Variants in TMEM164 observed in about 807,000 individuals in gnomAD.
TMEM164 encodes transmembrane protein 164, also known as RP13-360B22.2.
A neutral mutation model predicts 18.8 loss-of-function variants in TMEM164; 4 were observed. The observed-to-expected ratio is 0.21, with a 90% CI of 0.10 to 0.49. TMEM164 has a LOEUF of 0.49. TMEM164 is among the 20% of genes least tolerant of loss of function. The pLI, the probability that TMEM164 is intolerant of heterozygous loss-of-function variation, is 0.98. For synonymous variants in TMEM164, 86 were observed against 101.7 expected (o/e 0.85, Z 0.93); for missense variants, 108 against 239.9 (o/e 0.45, Z 3.63).
At chrX:110,105,462 G>T (rs1057240251) in intron 3 of TMEM164, among the ~76,000 whole-genome samples, 8 of 109,050 alleles carry the variant, frequency 7.3e-5, no homozygotes, top group African/African-American at 2.3e-4. Context: ...AGGCTGGAGG[G>T]GGGTATAAAG....
intron 3 of TMEM164, among the ~76,000 whole-genome samples, chrX:110,095,013 C>T (rs2065992567): frequency 8.9e-6 from 1 of 112,097 alleles, no homozygotes; most frequent in South Asian, 3.7e-4. Context: ...GGCCCCCATT[C>T]TCTTCTGGCT....
chrX:110,002,754 G>T, upstream of TMEM164: 1 of 113,002 alleles, frequency 8.8e-6, no homozygotes, highest in Non-Finnish European at 1.9e-5. Context: ...CCGATCCGGG[G>T]CCGCGGGCCG....
At chrX:110,053,165 C>T (rs1935650027) in intron 2 of TMEM164, among the ~76,000 whole-genome samples, 1 of 111,950 alleles carries the variant, frequency 8.9e-6, no homozygotes, top group African/African-American at 3.2e-5. Context: ...ATATAACCCA[C>T]AATCTTTACT....
At chrX:110,038,595 C>T (rs1175018705) in intron 2 of TMEM164, among the ~76,000 whole-genome samples, 1 of 110,705 alleles carries the variant, frequency 9.0e-6, no homozygotes, top group East Asian at 2.9e-4. Context: ...AACTGAGTGC[C>T]CCTTCCACCT....
downstream of TMEM164, among the ~76,000 whole-genome samples, chrX:110,183,366 G>A (rs1210017205): frequency 6.2e-5 from 7 of 112,408 alleles, no homozygotes; most frequent in African/African-American, 2.3e-4. Context: ...ATAGCAGATC[G>A]TCAAAATAAA....
intron 2 of TMEM164, among the ~76,000 whole-genome samples, chrX:110,011,102 T>G (rs1932975854): frequency 9.0e-6 from 1 of 111,420 alleles, no homozygotes. Context: ...GCCTATTGTG[T>G]GCCAAACATT....
At chrX:110,182,450 G>T (rs2067327200), downstream of TMEM164, 1 of 111,548 alleles carries the variant, frequency 9.0e-6, no homozygotes, top group Non-Finnish European at 1.9e-5. Context: ...CGTGCCAAAT[G>T]ACAGGGAAGG....
At chrX:110,024,372 A>G (rs1934082817) in intron 2 of TMEM164, among the ~76,000 whole-genome samples, 1 of 110,099 alleles carries the variant, frequency 9.1e-6, no homozygotes, top group African/African-American at 3.4e-5. Context: ...GTAACCTCGA[A>G]CTCTTGGACT....
chrX:110,086,214 T>C (rs752846116), intron 3 of TMEM164, among the ~76,000 whole-genome samples: 45 of 111,999 alleles, frequency 4.0e-4, no homozygotes, highest in African/African-American at 1.5e-3. Context: ...AGTGGGAAAT[T>C]GAGAGAGGCT....
At chrX:110,162,338 A>G (rs1269361791) in intron 5 of TMEM164, among the ~76,000 whole-genome samples, 2 of 112,175 alleles carry the variant, frequency 1.8e-5, no homozygotes, top group Non-Finnish European at 3.8e-5. Flanking sequence ...CCTGTGTACT[A>G]CTGTCAGGGG....
chrX:110,020,284 T>A, intron 2 of TMEM164: 1 of 627,679 alleles, frequency 1.6e-6, no homozygotes, highest in Non-Finnish European at 1.9e-6. Flanking sequence ...CCCTTTGTTT[T>A]CCAGATGAGG....
intron 3 of TMEM164, among the ~76,000 whole-genome samples, chrX:110,079,051 A>G (rs1195825154): frequency 9.0e-6 from 1 of 111,644 alleles, no homozygotes; most frequent in Non-Finnish European, 1.9e-5. Flanking sequence ...TCTTTTTTAC[A>G]TTATTAACTA....
chrX:110,143,805 GT>G (rs1458318754), intron 4 of TMEM164, among the ~76,000 whole-genome samples: 43 of 88,271 alleles, frequency 4.9e-4, no homozygotes, highest in African/African-American at 1.8e-3. Flanking sequence ...ATACTTTGGG[GT>G]GTGTGTGTGT....
chrX:110,015,210 G>A (rs567941644), intron 2 of TMEM164, among the ~76,000 whole-genome samples: 2 of 111,424 alleles, frequency 1.8e-5, no homozygotes, highest in Non-Finnish European at 1.9e-5. Flanking sequence ...CTTGGGATGT[G>A]GGGGGTGTGC....
chrX:110,109,105 G>T lies in TMEM164; in HGVS notation c.466G>T (p.Ala156Ser). 1 of 1,211,510 alleles carries T rather than the reference G, an allele frequency of 8.3e-7. No homozygotes were observed. Among genetic ancestry groups the T allele is most frequent in the Non-Finnish European group, 1.1e-6 (1 of 895,274 alleles). ...FKLQMHMLNG[A>S]LLALLFPVVN... The stretch of plus-strand genomic sequence containing the variant: ...GCTACAGATGCACATGTTGAATGGA[G>T]CTCTTCTGGCATTGCTGTTTCCTGT... The change falls in exon 4 of 7, where the codon GCT (alanine) becomes TCT (serine). Residue 156 changes from alanine (A) to serine (S), a missense_variant. Physicochemically the swap from Ala to Ser is moderately conservative, Grantham distance 99 (BLOSUM62 1). Coordinates refer to ENST00000372068, the MANE Select transcript of TMEM164 (RefSeq NM_032227.4).
At chrX:110,082,281 A>T (rs886579218) in intron 3 of TMEM164, 2 of 113,642 alleles carry the variant, frequency 1.8e-5, no homozygotes, top group African/African-American at 6.5e-5. Flanking sequence ...AAGGCCTCTT[A>T]TCCTTCCTGT....
intron 4 of TMEM164, among the ~76,000 whole-genome samples, chrX:110,110,831 T>C (rs1416088368): frequency 2.7e-5 from 3 of 112,578 alleles, no homozygotes; most frequent in African/African-American, 9.7e-5. Context: ...ACTCAAAGTG[T>C]GGTCCTAGGA....
intron 3 of TMEM164, among the ~76,000 whole-genome samples, chrX:110,089,661 C>G (rs1312129363): frequency 8.9e-6 from 1 of 112,121 alleles, no homozygotes; most frequent in African/African-American, 3.2e-5. Flanking sequence ...CTGTTCAATT[C>G]AGCATTTGAT....
chrX:110,084,483 G>T lies in TMEM164; in HGVS notation c.440+17087G>T, dbSNP rs773692058. ...AGTATAGTATATATATATATAGAGA[G>T]AGAGAGAGAGAGAGAGACATGGTGG... On this transcript the variant is annotated intron_variant, in intron 3 of 6. Coordinates refer to ENST00000372068, the MANE Select transcript of TMEM164 (RefSeq NM_032227.4). 9.6e-3 allele frequency among the ~76,000 whole-genome samples: 496 copies of T among 51,418 alleles called. 6 individuals carry two copies. Among genetic ancestry groups the T allele is most frequent in the African/African-American group, 0.032 (341 of 10,559 alleles). The allele number at this position is 51,418 out of a possible 115,157, so 44.7% of individuals were successfully genotyped here. A position where few individuals can be genotyped will look rare whatever the true frequency, so the allele number is the denominator to read the frequency against.
Sources: gnomAD v4.1 joint callset for allele counts (sites outside exome capture counted in the v4.1 genomes callset) on GRCh38, gnomAD v4.1.1 for gene constraint, MANE v1.5 for transcripts, NCBI Gene and HGNC (gene_info 2026-07-23, HGNC 2026-07-21) for gene names.